The following HS6ST3 variants were observed in gnomAD, a reference collection of about 807,000 sequenced individuals.
HS6ST3 encodes heparan-sulfate 6-O-sulfotransferase 3.
Under a neutral mutation model 36.7 loss-of-function variants are expected in HS6ST3, and 12 were observed. That is an observed-to-expected ratio of 0.33 (90% CI 0.21 to 0.53). HS6ST3 has a LOEUF of 0.53. Ranked by LOEUF, HS6ST3 falls within the 20% of genes least tolerant of loss-of-function variation. HS6ST3 has a pLI of 0.95. For missense variants in HS6ST3, 584 were observed against 640.9 expected (o/e 0.91, Z 0.96); for synonymous variants, 240 against 257.5 (o/e 0.93, Z 0.65).
chr13:96,306,697 C>T (rs145541919), intron 1 of HS6ST3, among the ~76,000 whole-genome samples: 60 of 152,136 alleles, frequency 3.9e-4, no homozygotes, highest in Admixed American at 8.5e-4. Context: ...CCTGTGTGCA[C>T]GGCCTGTGTT....
At position 96,234,036 on chromosome 13, in the gene HS6ST3, G is replaced by A. The variant is rs74727890; in HGVS notation, c.707+142467G>A. ...CACCATAGCACATCAACATACCCACGTTCTGCAATGGATGCAACTTATAAA... is the reference window on the plus strand; with the variant it reads ...CACCATAGCACATCAACATACCCACATTCTGCAATGGATGCAACTTATAAA... On this transcript the variant is annotated intron_variant, in intron 1 of 1. Transcript: ENST00000376705. 2.4e-4 allele frequency among the ~76,000 whole-genome samples: 37 copies of A among 151,568 alleles called. 1 individual carries two copies. In the East Asian group the frequency reaches 5.8e-3, roughly 24 times the overall value.
chr13:96,832,212 G>A (rs79050359), intron 1 of HS6ST3, among the ~76,000 whole-genome samples: 1 of 152,086 alleles, frequency 6.6e-6, no homozygotes, highest in African/African-American at 2.4e-5. Flanking sequence ...AATAATTGCT[G>A]AACGAATGAA....
At chr13:96,604,658 T>G (rs72642794) in intron 1 of HS6ST3, among the ~76,000 whole-genome samples, 1,632 of 152,308 alleles carry the variant, frequency 0.011, 21 homozygotes, top group African/African-American at 0.025. Flanking sequence ...GAGCTTATAG[T>G]ATTCTAATTG....
chr13:96,824,124 A>AT (rs1566462615), intron 1 of HS6ST3, among the ~76,000 whole-genome samples: 1 of 152,238 alleles, frequency 6.6e-6, no homozygotes, highest in African/African-American at 2.4e-5. Context: ...GGGCACTTCT[A>AT]TCCCCTCATC....
chr13:96,407,867 C>A (rs1051205046), intron 1 of HS6ST3, among the ~76,000 whole-genome samples: 4 of 152,126 alleles, frequency 2.6e-5, no homozygotes, highest in African/African-American at 9.7e-5. Flanking sequence ...AATAAAATGT[C>A]AAGGCTCAGG....
At chr13:96,637,251 T>G (rs979612610) in intron 1 of HS6ST3, among the ~76,000 whole-genome samples, 9 of 152,124 alleles carry the variant, frequency 5.9e-5, no homozygotes, top group African/African-American at 2.2e-4. Context: ...ATTGGTATGA[T>G]AAACAATATT....
At chr13:96,645,071 T>C (rs978098129) in intron 1 of HS6ST3, among the ~76,000 whole-genome samples, 1 of 151,940 alleles carries the variant, frequency 6.6e-6, no homozygotes, top group East Asian at 1.9e-4. Context: ...GATTTTTTTT[T>C]AAATAAATGT....
chr13:96,659,639 T>G (rs1202782302), intron 1 of HS6ST3, among the ~76,000 whole-genome samples: 1 of 152,118 alleles, frequency 6.6e-6, no homozygotes, highest in East Asian at 1.9e-4. Context: ...AAATTTTGAT[T>G]CATCATCCAT....
At chr13:96,570,481 A>T (rs1221529684) in intron 1 of HS6ST3, among the ~76,000 whole-genome samples, 5 of 152,226 alleles carry the variant, frequency 3.3e-5, no homozygotes, top group African/African-American at 1.2e-4. Context: ...ACAAAGCTGC[A>T]GGCACTCTGG....
At chr13:96,368,114 G>A (rs923706457) in intron 1 of HS6ST3, among the ~76,000 whole-genome samples, 4 of 152,132 alleles carry the variant, frequency 2.6e-5, no homozygotes, top group Admixed American at 2.0e-4. Flanking sequence ...TGCTGGGAAC[G>A]CCTTTATTGC....
At chr13:96,139,801 G>A (rs9525131) in intron 1 of HS6ST3, among the ~76,000 whole-genome samples, 3,045 of 152,036 alleles carry the variant, frequency 0.02, 88 homozygotes, top group African/African-American at 0.068. Flanking sequence ...CTAGGAAAAA[G>A]ATTTTTAAAA....
At position 96,256,080 on chromosome 13, in the gene HS6ST3, T is replaced by G. The variant is rs375302077; in HGVS notation, c.707+164511T>G. On this transcript the variant is annotated intron_variant, in intron 1 of 1. Transcript: ENST00000376705. Reference sequence around the variant, plus strand: ...ATTTTTATTTTTCTGTCTTCTAATCTGCTTCATAAAACAGAAAAGATCAGC... The same window carrying G: ...ATTTTTATTTTTCTGTCTTCTAATCGGCTTCATAAAACAGAAAAGATCAGC... 1.9e-3 allele frequency among the ~76,000 whole-genome samples: 286 copies of G among 152,328 alleles called. 9 individuals carry two copies. In the South Asian group the frequency reaches 0.056, roughly 30 times the overall value.
At chr13:96,260,437 A>C (rs991154179) in intron 1 of HS6ST3, among the ~76,000 whole-genome samples, 1 of 151,414 alleles carries the variant, frequency 6.6e-6, no homozygotes. Context: ...TCAGCCTCCC[A>C]AGTAGCTGGG....
At chr13:96,670,273 C>T (rs1484412248) in intron 1 of HS6ST3, among the ~76,000 whole-genome samples, 1 of 151,970 alleles carries the variant, frequency 6.6e-6, no homozygotes, top group African/African-American at 2.4e-5. Context: ...TTCTCACTGG[C>T]CTTGGCAAAA....
chr13:96,448,357 A>G (rs1186602413), intron 1 of HS6ST3, among the ~76,000 whole-genome samples: 3 of 152,132 alleles, frequency 2.0e-5, no homozygotes, highest in Admixed American at 2.0e-4. Flanking sequence ...TCTCTCATGT[A>G]TGATCATGTT....
chr13:96,238,799 T>G (rs2054546721), intron 1 of HS6ST3, among the ~76,000 whole-genome samples: 2 of 152,226 alleles, frequency 1.3e-5, no homozygotes, highest in South Asian at 4.1e-4. Flanking sequence ...TCAATATATT[T>G]GTGAAACAAA....
chr13:96,779,502 T>A (rs1261803209), intron 1 of HS6ST3, among the ~76,000 whole-genome samples: 2 of 151,720 alleles, frequency 1.3e-5, no homozygotes, highest in Non-Finnish European at 2.9e-5. Context: ...TACATTTGAG[T>A]TTGGAGGTCA....
intron 1 of HS6ST3, among the ~76,000 whole-genome samples, chr13:96,469,433 G>A (rs1218350668): frequency 6.6e-6 from 1 of 151,956 alleles, no homozygotes; most frequent in Non-Finnish European, 1.5e-5. Flanking sequence ...CTTTATCACA[G>A]TACCGCTAGA....
At chr13:96,788,072 G>A (rs1004711488) in intron 1 of HS6ST3, among the ~76,000 whole-genome samples, 4 of 151,864 alleles carry the variant, frequency 2.6e-5, no homozygotes, top group African/African-American at 9.7e-5. Flanking sequence ...TACTTGTGCA[G>A]ATCTATTTCT....
Sources: gnomAD v4.1 joint callset for allele counts (sites outside exome capture counted in the v4.1 genomes callset) on GRCh38, gnomAD v4.1.1 for gene constraint, MANE v1.5 for transcripts, NCBI Gene and HGNC (gene_info 2026-07-23, HGNC 2026-07-21) for gene names.